The following WNK3 variants were observed in gnomAD, a reference collection of about 807,000 sequenced individuals.
The protein encoded by WNK3 is serine/threonine-protein kinase WNK3.
In WNK3, 18 loss-of-function variants were observed where a neutral mutation model predicts 116.7. The ratio of observed to expected loss-of-function variants is 0.15; its 90% CI spans 0.11 to 0.23. WNK3 has a LOEUF of 0.23. WNK3 is among the 10% of genes least tolerant of loss of function. WNK3 has a pLI of 1.00. For missense variants in WNK3, 993 were observed against 1,323.8 expected, an observed-to-expected ratio of 0.75 and a Z score of 3.88; for synonymous variants, 404 against 469.4, an observed-to-expected ratio of 0.86 and a Z score of 1.80.
At chrX:54,344,590 G>A (rs2069382076) in intron 1 of WNK3, among the ~76,000 whole-genome samples, 2 of 113,100 alleles carry the variant, frequency 1.8e-5, no homozygotes, top group South Asian at 7.1e-4. Context: ...CTGCCTTGTA[G>A]TACAAAACTG....
intron 2 of WNK3, among the ~76,000 whole-genome samples, chrX:54,314,858 AC>A (rs1232418516): frequency 2.7e-5 from 3 of 111,406 alleles, no homozygotes; most frequent in African/African-American, 9.8e-5. Context: ...TCAAGATCAA[AC>A]ATATTTATCT....
rs1215640756 is a variant in WNK3, at chrX:54,309,079, G to A, written c.931+16C>T. The A allele has an allele frequency of 2.5e-6, 3 of 1,190,447 alleles. No individual in the cohort carries two copies. The highest frequency in any genetic ancestry group is 3.4e-6 in the Non-Finnish European group (3 of 878,612). ...TCTCTCTTTACCCAACCAGTAAACT[G>A]TAAAACTTTAATCACCAATGACACT... On this transcript the variant is annotated intron_variant, in intron 4 of 23. Coordinates refer to ENST00000354646, the Ensembl canonical transcript of WNK3.
At chrX:54,243,524 A>G (rs1557152117) in intron 17 of WNK3, among the ~76,000 whole-genome samples, 1 of 111,142 alleles carries the variant, frequency 9.0e-6, no homozygotes, top group Non-Finnish European at 1.9e-5. Context: ...TTCTTCAAAG[A>G]AGATATACAG....
At chrX:54,244,436 T>C (rs1557152300) in intron 17 of WNK3, among the ~76,000 whole-genome samples, 2 of 111,925 alleles carry the variant, frequency 1.8e-5, no homozygotes, top group Admixed American at 9.5e-5. Flanking sequence ...AAGCAAGATT[T>C]TGAAACTGGT....
intron 1 of WNK3, among the ~76,000 whole-genome samples, chrX:54,345,679 G>A (rs1225665123): frequency 4.6e-5 from 5 of 109,063 alleles, no homozygotes; most frequent in South Asian, 4.0e-4. Context: ...CCAGCTACTC[G>A]GGAGGCTGAG....
intron 1 of WNK3, among the ~76,000 whole-genome samples, chrX:54,353,350 CG>C (rs2147351863): frequency 9.0e-6 from 1 of 110,772 alleles, no homozygotes; most frequent in East Asian, 2.8e-4. Flanking sequence ...CCCAGCTATT[CG>C]GGATGCTGAG....
intron 21 of WNK3, 105 bp downstream of exon 21, chrX:54,232,704 T>C: frequency 2.8e-6 from 2 of 704,444 alleles, no homozygotes; most frequent in South Asian, 3.1e-5. Context: ...TGTACTTCTT[T>C]AAATTATTTT....
intron 2 of WNK3, among the ~76,000 whole-genome samples, chrX:54,316,628 A>G (rs1375924340): frequency 9.1e-6 from 1 of 109,418 alleles, no homozygotes; most frequent in African/African-American, 3.3e-5. Flanking sequence ...CTCACCAGAA[A>G]CCCACCAAGC....
At chrX:54,255,645 C>T (rs1557155314) in intron 12 of WNK3, 95 bp downstream of exon 12, 15 of 814,198 alleles carry the variant, frequency 1.8e-5, no homozygotes, top group Non-Finnish European at 2.2e-5. Context: ...GAGAGGGTCT[C>T]GCAATATTCT....
At position 54,255,893 on chromosome X, in the gene WNK3, A is replaced by G; in HGVS notation, c.2103-6T>C. The stretch of plus-strand genomic sequence containing the variant: ...TTGCCACATCTTGATTCAAGCTAGT[A>G]ATATTTTTAAAAAAGTAACTCATTC... On this transcript the variant is annotated splice_region_variant and splice_polypyrimidine_tract_variant and intron_variant, in intron 11 of 23. Transcript: ENST00000354646. The G allele has an allele frequency of 8.4e-7, 1 of 1,191,380 alleles. No homozygotes were observed. The highest frequency in any genetic ancestry group is 1.1e-6 in the Non-Finnish European group (1 of 885,681).
intron 1 of WNK3, among the ~76,000 whole-genome samples, chrX:54,349,960 T>C (rs1304629400): frequency 1.8e-5 from 2 of 111,821 alleles, no homozygotes; most frequent in Admixed American, 1.9e-4. Flanking sequence ...CATGTATGTA[T>C]AGGAATGCAG....
chrX:54,339,920 C>T (rs2069296496), intron 1 of WNK3, among the ~76,000 whole-genome samples: 1 of 111,354 alleles, frequency 9.0e-6, no homozygotes, highest in Non-Finnish European at 1.9e-5. Flanking sequence ...GAGTCCAAGG[C>T]AGGTGGATCA....
chrX:54,237,309 G>A (rs1557150408), exon 20 of WNK3: 1 of 1,210,816 alleles, frequency 8.3e-7, no homozygotes, highest in East Asian at 3.0e-5. Context: ...TGAAAGATAA[G>A]AAGTTGTCAC....
intron 22 of WNK3, 136 bp from the exon 23 acceptor site, chrX:54,202,329 T>C (rs1165469987): frequency 2.1e-5 from 11 of 531,048 alleles, no homozygotes; most frequent in Non-Finnish European, 3.3e-5. Flanking sequence ...CACTCTAGTT[T>C]ACCTGCGTCG....
At chrX:54,216,162 G>A (rs1296905190) in intron 22 of WNK3, among the ~76,000 whole-genome samples, 1 of 109,532 alleles carries the variant, frequency 9.1e-6, no homozygotes, top group Non-Finnish European at 1.9e-5. Context: ...AGGCGGCAGG[G>A]CCCTCTGCCT....
intron 17 of WNK3, among the ~76,000 whole-genome samples, chrX:54,243,420 CAAAAAAAAAAA>C (rs782696727): frequency 9.1e-3 from 154 of 16,835 alleles, no homozygotes; most frequent in Non-Finnish European, 0.017. Context: ...GACTCCGTCT[CAAAAAAAAAAA>C]AAAAAAAAAA....
At chrX:54,257,605 G>A (rs1326593780) in intron 11 of WNK3, among the ~76,000 whole-genome samples, 1 of 108,359 alleles carries the variant, frequency 9.2e-6, no homozygotes. Flanking sequence ...GACCAGCCTG[G>A]ACAACATGGT....
intron 15 of WNK3, 64 bp from the exon 16 acceptor site, chrX:54,250,195 TGAA>T (rs2068114831): frequency 1.9e-6 from 2 of 1,038,498 alleles, no homozygotes; most frequent in Non-Finnish European, 2.6e-6. Context: ...CCTTATTGAC[TGAA>T]GAAGCCAGGT....
upstream of WNK3, among the ~76,000 whole-genome samples, chrX:54,358,388 A>C (rs1319071642): frequency 9.0e-6 from 1 of 110,587 alleles, no homozygotes; most frequent in African/African-American, 3.3e-5. Flanking sequence ...CCAAGCACAC[A>C]CTACTTCCTA....
Sources: allele counts gnomAD v4.1 joint callset (sites outside exome capture counted in the v4.1 genomes callset), GRCh38; gene constraint gnomAD v4.1.1; transcripts MANE v1.5; gene names NCBI Gene and HGNC (gene_info 2026-07-23, HGNC 2026-07-21).